The following KHDRBS2 variants were observed in gnomAD, a reference collection of about 807,000 sequenced individuals.
KHDRBS2 encodes KH RNA binding domain containing, signal transduction associated 2, also known as KH domain-containing, RNA-binding, signal transduction-associated protein 2.
In KHDRBS2, 26 loss-of-function variants were observed where a neutral mutation model predicts 44.3. The observed-to-expected ratio is 0.59, with a 90% CI of 0.43 to 0.81. The LOEUF is 0.81. KHDRBS2 is among the 40% of genes least tolerant of loss of function. The pLI is 0.00. For missense variants in KHDRBS2, 476 were observed against 433.1 expected (o/e 1.10, Z -0.88); for synonymous variants, 194 against 151.1 (o/e 1.28, Z -2.08).
the KHDRBS2 span, among the ~76,000 whole-genome samples, chr6:61,545,271 C>A: frequency 1.3e-5 from 2 of 151,836 alleles, no homozygotes; most frequent in African/African-American, 2.4e-5. Flanking sequence ...CAAAGTGAGA[C>A]CCCATCTTTA....
At chr6:61,898,523 C>T (rs900984493) in intron 5 of KHDRBS2, among the ~76,000 whole-genome samples, 1 of 151,814 alleles carries the variant, frequency 6.6e-6, no homozygotes, top group African/African-American at 2.4e-5. Context: ...ATTATTTTAT[C>T]TTAACACTAT....
chr6:61,862,573 C>T (rs1242204874), intron 6 of KHDRBS2, among the ~76,000 whole-genome samples: 6 of 152,036 alleles, frequency 3.9e-5, no homozygotes, highest in Admixed American at 3.9e-4. Flanking sequence ...TCTATTGAGA[C>T]AGTCCTGGGG....
intron 6 of KHDRBS2, among the ~76,000 whole-genome samples, chr6:61,781,657 G>A (rs1003745345): frequency 1.3e-5 from 2 of 152,072 alleles, no homozygotes; most frequent in Non-Finnish European, 2.9e-5. Context: ...TGCATAGTTT[G>A]TGTAGTGGTC....
intron 6 of KHDRBS2, among the ~76,000 whole-genome samples, chr6:61,762,005 A>T (rs1200648035): frequency 6.6e-6 from 1 of 152,202 alleles, no homozygotes; most frequent in African/African-American, 2.4e-5. Context: ...AATAAGAATG[A>T]AAATTCTTGG....
the KHDRBS2 span, among the ~76,000 whole-genome samples, chr6:61,633,620 T>C: frequency 3.9e-4 from 60 of 152,178 alleles, no homozygotes; most frequent in African/African-American, 1.4e-3. Flanking sequence ...GAACATCAAC[T>C]CCTTAAAAAT....
chr6:61,958,250 G>T (rs1315584483), intron 4 of KHDRBS2, among the ~76,000 whole-genome samples: 1 of 152,036 alleles, frequency 6.6e-6, no homozygotes, highest in Admixed American at 6.6e-5. Flanking sequence ...ACTGAAGCCT[G>T]GCTTCTTTGC....
intron 6 of KHDRBS2, among the ~76,000 whole-genome samples, chr6:61,818,939 TG>T (rs1789439170): frequency 6.6e-6 from 1 of 151,978 alleles, no homozygotes. Context: ...TTCTTATGTA[TG>T]TTACTAGGAA....
intron 2 of KHDRBS2, among the ~76,000 whole-genome samples, chr6:62,070,608 C>A (rs144259799): frequency 6.6e-6 from 1 of 151,810 alleles, no homozygotes; most frequent in Non-Finnish European, 1.5e-5. Flanking sequence ...TTTGTCCTTG[C>A]GACAGTTTGC....
intron 1 of KHDRBS2, among the ~76,000 whole-genome samples, chr6:62,195,907 T>G (rs1161964768): frequency 2.0e-5 from 3 of 152,138 alleles, no homozygotes; most frequent in Non-Finnish European, 4.4e-5. Context: ...AAATAATGTT[T>G]TAAAATGTAA....
intron 7 of KHDRBS2, among the ~76,000 whole-genome samples, chr6:61,732,342 G>GAA (rs59521220): frequency 6.9e-6 from 1 of 144,202 alleles, no homozygotes; most frequent in Non-Finnish European, 1.5e-5. Context: ...GATATTTTAG[G>GAA]AAAAAAAAAA....
the KHDRBS2 span, among the ~76,000 whole-genome samples, chr6:61,613,043 G>A: frequency 6.5e-4 from 98 of 151,924 alleles, no homozygotes; most frequent in Admixed American, 4.3e-3. Flanking sequence ...TAGTAGAGAC[G>A]GGGTTTCACC....
At chr6:61,760,776 C>T (rs1582659391) in intron 6 of KHDRBS2, among the ~76,000 whole-genome samples, 1 of 152,232 alleles carries the variant, frequency 6.6e-6, no homozygotes, top group Admixed American at 6.5e-5. Flanking sequence ...TGATAGAAAA[C>T]CAATAATTTG....
At chr6:61,708,435 T>C (rs994712515) in intron 7 of KHDRBS2, among the ~76,000 whole-genome samples, 2 of 151,610 alleles carry the variant, frequency 1.3e-5, no homozygotes, top group African/African-American at 4.8e-5. Context: ...TGTGCTCAAA[T>C]ATCACTGGCT....
At chr6:61,971,107 T>C (rs1375491281) in intron 4 of KHDRBS2, among the ~76,000 whole-genome samples, 1 of 152,138 alleles carries the variant, frequency 6.6e-6, no homozygotes, top group Non-Finnish European at 1.5e-5. Context: ...GTCCTATTTG[T>C]ATCACATTGA....
chr6:62,273,482 C>T (rs1215909984), intron 1 of KHDRBS2, among the ~76,000 whole-genome samples: 5 of 152,138 alleles, frequency 3.3e-5, no homozygotes, highest in African/African-American at 7.2e-5. Flanking sequence ...CCTATTTACC[C>T]GATACTGAAA....
At chr6:62,109,575 A>C (rs1467355619) in intron 2 of KHDRBS2, among the ~76,000 whole-genome samples, 1 of 152,040 alleles carries the variant, frequency 6.6e-6, no homozygotes, top group Admixed American at 6.6e-5. Flanking sequence ...CCAATAGATA[A>C]GTTTGGCAAG....
intron 4 of KHDRBS2, among the ~76,000 whole-genome samples, chr6:61,912,704 A>C (rs1459530038): frequency 2.0e-5 from 3 of 152,152 alleles, no homozygotes; most frequent in African/African-American, 7.2e-5. Flanking sequence ...TCTCTGCAAG[A>C]GCACTACAGT....
chr6:62,097,762 A>G (rs1334293899), intron 2 of KHDRBS2, among the ~76,000 whole-genome samples: 1 of 151,826 alleles, frequency 6.6e-6, no homozygotes, highest in Non-Finnish European at 1.5e-5. Context: ...CTATTTTGTT[A>G]TTTGTTTTCT....
chr6:62,064,014 T>G (rs918503003), intron 2 of KHDRBS2, among the ~76,000 whole-genome samples: 1 of 147,256 alleles, frequency 6.8e-6, no homozygotes, highest in Non-Finnish European at 1.5e-5. Context: ...AAATCATGAG[T>G]GAACTCCCAT....
Sources: allele counts gnomAD v4.1 joint callset (sites outside exome capture counted in the v4.1 genomes callset), GRCh38; gene constraint gnomAD v4.1.1; transcripts MANE v1.5; gene names NCBI Gene and HGNC (gene_info 2026-07-23, HGNC 2026-07-21).